The following HIVEP3 variants were observed in gnomAD, a reference collection of about 807,000 sequenced individuals.
The protein encoded by HIVEP3 is transcription factor HIVEP3.
Under a neutral mutation model 152.8 loss-of-function variants are expected in HIVEP3, and 49 were observed. The ratio of observed to expected loss-of-function variants is 0.32; its 90% confidence interval spans 0.26 to 0.41. The LOEUF is 0.41. HIVEP3 is among the 10% of genes least tolerant of loss of function. HIVEP3 has a pLI of 1.00. For missense variants in HIVEP3, 2,790 were observed against 3,103.3 expected, an observed-to-expected ratio of 0.90 and a Z score of 2.40; for synonymous variants, 1,269 against 1,289.0, an observed-to-expected ratio of 0.98 and a Z score of 0.33.
chr1:41,970,151 C>A (rs902007182), intron 1 of HIVEP3, among the ~76,000 whole-genome samples: 5 of 152,012 alleles, frequency 3.3e-5, no homozygotes, highest in African/African-American at 9.7e-5. Flanking sequence ...AGATCTAGAA[C>A]CAGAAATAAC....
intron 5 of HIVEP3, among the ~76,000 whole-genome samples, chr1:41,545,046 A>G (rs1260177597): frequency 1.0e-5 from 1 of 97,488 alleles, no homozygotes; most frequent in Non-Finnish European, 2.5e-5. Flanking sequence ...CAATACCACT[A>G]CCACCACCAT....
At chr1:41,684,344 C>A (rs1646084358) in intron 2 of HIVEP3, among the ~76,000 whole-genome samples, 1 of 152,234 alleles carries the variant, frequency 6.6e-6, no homozygotes, top group African/African-American at 2.4e-5. Flanking sequence ...GTGCCAGTGA[C>A]CTTCCAGCCC....
intron 1 of HIVEP3, among the ~76,000 whole-genome samples, chr1:41,981,512 G>A (rs1557548587): frequency 1.3e-5 from 2 of 152,118 alleles, no homozygotes; most frequent in African/African-American, 4.8e-5. Flanking sequence ...CTCAAGGCCT[G>A]CCACGTCTTC....
intron 1 of HIVEP3, among the ~76,000 whole-genome samples, chr1:41,982,869 C>T (rs2124511096): frequency 6.6e-6 from 1 of 152,306 alleles, no homozygotes; most frequent in African/African-American, 2.4e-5. Context: ...TTGAATGAAA[C>T]AAATGCCAAC....
chr1:41,828,836 C>A (rs1186780530), intron 1 of HIVEP3, among the ~76,000 whole-genome samples: 4 of 152,240 alleles, frequency 2.6e-5, no homozygotes, highest in Non-Finnish European at 2.9e-5. Flanking sequence ...TGTGCCAGGG[C>A]TTGCACGTAG....
chr1:41,558,870 G>A (rs1461976755), intron 5 of HIVEP3, among the ~76,000 whole-genome samples: 1 of 152,112 alleles, frequency 6.6e-6, no homozygotes, highest in African/African-American at 2.4e-5. Flanking sequence ...GCTGCCGTAG[G>A]CTCTTTTTGG....
intron 1 of HIVEP3, among the ~76,000 whole-genome samples, chr1:41,738,859 A>G (rs368699263): frequency 1.2e-4 from 19 of 152,340 alleles, no homozygotes; most frequent in African/African-American, 4.3e-4. Flanking sequence ...AAAGAAACCT[A>G]TGGAGAGAAA....
Position 41,525,051 on chromosome 1 carries a change from C to A in HIVEP3, c.5208-141G>T, listed in dbSNP as rs184839978. 7.7e-6 allele frequency: 6 copies of A among 777,588 alleles called. No individual in the cohort carries two copies. The Admixed American group carries it at 1.1e-4, about 14-fold the overall frequency. The allele number at this position is 777,588 out of a possible 1,614,324, so 48.2% of individuals were successfully genotyped here. A position where few individuals can be genotyped will look rare whatever the true frequency, so the allele number is the denominator to read the frequency against. ...GAGGCCACGGAACCAGAGAGGACCA[C>A]GAGAGTGGGAGGAACTGAGTCACCC... On this transcript the variant is annotated intron_variant, in intron 5 of 8. Transcript: ENST00000372583.
intron 5 of HIVEP3, among the ~76,000 whole-genome samples, chr1:41,573,603 T>C (rs1183582021): frequency 2.6e-5 from 4 of 152,210 alleles, no homozygotes; most frequent in African/African-American, 9.6e-5. Flanking sequence ...AAAATGGATA[T>C]ACTAGTAGTA....
intron 1 of HIVEP3, among the ~76,000 whole-genome samples, chr1:41,776,515 T>G (rs768985909): frequency 6.6e-6 from 1 of 152,244 alleles, no homozygotes; most frequent in Non-Finnish European, 1.5e-5. Context: ...GTCTGTCTGC[T>G]TATGAAAGGT....
intron 1 of HIVEP3, among the ~76,000 whole-genome samples, chr1:41,929,724 T>TATATATATATATATATA (rs1644986317): frequency 6.5e-5 from 2 of 30,592 alleles, no homozygotes; most frequent in South Asian, 3.4e-3. Context: ...GTATATGTGT[T>TATATATATATATATATA]TTTATATATA....
At position 41,842,567 on chromosome 1, in the gene HIVEP3, A is replaced by C. The variant is rs114374748; in HGVS notation, c.-801+75846T>G. On this transcript the variant is annotated intron_variant, in intron 1 of 8. Coordinates refer to ENST00000372583, the MANE Select transcript of HIVEP3 (RefSeq NM_024503.5). Reference sequence around the variant, plus strand: ...CATGCCAATCAGGAGGTCTTGGTGGAAAGAGCTCCACGTGCCCCTGAGATA... The same window carrying C: ...CATGCCAATCAGGAGGTCTTGGTGGCAAGAGCTCCACGTGCCCCTGAGATA... 5.9e-3 allele frequency among the ~76,000 whole-genome samples: 905 copies of C among 152,264 alleles called. 11 individuals are homozygous for C. Among genetic ancestry groups the C allele is most frequent in the African/African-American group, 0.021 (859 of 41,554 alleles).
At chr1:41,824,742 AATATATATATATATATATATAT>A (rs375409601) in intron 1 of HIVEP3, among the ~76,000 whole-genome samples, 6,216 of 75,148 alleles carry the variant, frequency 0.083, 287 homozygotes, top group Middle Eastern at 0.16. Context: ...TTCCAAGTTA[AATATATATATATATATATATAT>A]ATATATATAT....
intron 1 of HIVEP3, among the ~76,000 whole-genome samples, chr1:41,745,155 C>A (rs1022932685): frequency 1.3e-5 from 2 of 152,338 alleles, no homozygotes; most frequent in African/African-American, 4.8e-5. Context: ...CTTTCTCTAA[C>A]CCTCTCAAAA....
intron 1 of HIVEP3, among the ~76,000 whole-genome samples, chr1:41,728,548 G>A (rs757047595): frequency 2.0e-5 from 3 of 152,196 alleles, no homozygotes; most frequent in African/African-American, 4.8e-5. Flanking sequence ...GGCCAAAGGC[G>A]ATATGCTTGG....
intron 3 of HIVEP3, among the ~76,000 whole-genome samples, chr1:41,615,418 C>T (rs1031787004): frequency 2.0e-5 from 3 of 152,232 alleles, no homozygotes; most frequent in African/African-American, 7.2e-5. Context: ...CATCACACCA[C>T]GCAAGCTTAG....
chr1:41,671,198 C>T (rs551608246), intron 2 of HIVEP3, among the ~76,000 whole-genome samples: 9 of 152,320 alleles, frequency 5.9e-5, no homozygotes, highest in Admixed American at 1.3e-4. Flanking sequence ...GACTGTAGAA[C>T]GCTGGGCCCC....
intron 5 of HIVEP3, among the ~76,000 whole-genome samples, chr1:41,547,683 T>G (rs976678261): frequency 1.3e-5 from 2 of 152,210 alleles, no homozygotes; most frequent in African/African-American, 4.8e-5. Context: ...AATACCAGGC[T>G]TTGGGGATTT....
intron 2 of HIVEP3, among the ~76,000 whole-genome samples, chr1:41,688,161 T>G (rs1026708415): frequency 1.3e-5 from 2 of 152,196 alleles, no homozygotes; most frequent in Admixed American, 6.5e-5. Context: ...ACAGGTGACC[T>G]CCAGATAGCC....
Sources: allele counts gnomAD v4.1 joint callset (sites outside exome capture counted in the v4.1 genomes callset), GRCh38; gene constraint gnomAD v4.1.1; transcripts MANE v1.5; gene names NCBI Gene and HGNC (gene_info 2026-07-23, HGNC 2026-07-21).